The following NBAS variants were observed in gnomAD, a reference collection of about 807,000 sequenced individuals.
NBAS encodes the protein NBAS subunit of NRZ tethering complex.
In NBAS, 219 loss-of-function variants were observed where a neutral mutation model predicts 302.5. The ratio of observed to expected loss-of-function variants is 0.72; its 90% CI spans 0.65 to 0.81. NBAS has a LOEUF of 0.81. Among genes scored for constraint, NBAS ranks in the 30% least tolerant of loss-of-function variants. The pLI, the probability that NBAS is intolerant of heterozygous loss-of-function variation, is 0.00. For synonymous variants in NBAS, 1,118 were observed against 1,021.6 expected (o/e 1.09, Z -1.80); for missense variants, 2,932 against 2,841.6 (o/e 1.03, Z -0.72).
chr2:15,434,030 G>A (rs1321556390), intron 21 of NBAS, among the ~76,000 whole-genome samples: 1 of 152,136 alleles, frequency 6.6e-6, no homozygotes, highest in Non-Finnish European at 1.5e-5. Context: ...AGGAGGCTGA[G>A]GTGGGAGGGT....
the NBAS span, among the ~76,000 whole-genome samples, chr2:14,967,485 A>C: frequency 6.6e-6 from 1 of 152,238 alleles, no homozygotes. Flanking sequence ...GAAAAGGAAT[A>C]TACATAGTTA....
the NBAS span, among the ~76,000 whole-genome samples, chr2:14,902,652 A>G: frequency 2.6e-5 from 4 of 152,304 alleles, no homozygotes; most frequent in African/African-American, 4.8e-5. Flanking sequence ...AATGAGACCT[A>G]TTCCCTGATC....
chr2:15,439,963 C>A (rs962335874), intron 21 of NBAS, among the ~76,000 whole-genome samples: 1 of 152,246 alleles, frequency 6.6e-6, no homozygotes, highest in Non-Finnish European at 1.5e-5. Context: ...GAGGGGCAAC[C>A]GCCATTGCCC....
At chr2:15,504,246 T>C in intron 10 of NBAS, 33 bp from the exon 11 acceptor site, 1 of 1,457,462 alleles carries the variant, frequency 6.9e-7, no homozygotes, top group Non-Finnish European at 9.6e-7. Flanking sequence ...GAAGAAAGAT[T>C]ACTGAAATGA....
At chr2:14,925,906 T>C in the NBAS span, among the ~76,000 whole-genome samples, 1 of 152,346 alleles carries the variant, frequency 6.6e-6, no homozygotes, top group South Asian at 2.1e-4. Context: ...TTTTGGATCA[T>C]TTTTGTTTCT....
chr2:15,191,389 T>G (rs1449905563), intron 48 of NBAS, among the ~76,000 whole-genome samples: 1 of 152,244 alleles, frequency 6.6e-6, no homozygotes, highest in Non-Finnish European at 1.5e-5. Flanking sequence ...CAAAAGTTGC[T>G]ATGTACTATG....
intron 19 of NBAS, among the ~76,000 whole-genome samples, chr2:15,463,648 C>T (rs570027262): frequency 6.6e-6 from 1 of 152,164 alleles, no homozygotes; most frequent in South Asian, 2.1e-4. Flanking sequence ...AAATCATACC[C>T]TAACCAGTCA....
chr2:15,149,033 G>A, the NBAS span, among the ~76,000 whole-genome samples: 5 of 152,188 alleles, frequency 3.3e-5, no homozygotes, highest in African/African-American at 1.2e-4. Flanking sequence ...CCAGTTAAAT[G>A]GTTAAATGAA....
intron 38 of NBAS, among the ~76,000 whole-genome samples, chr2:15,325,000 T>G (rs550066229): frequency 6.6e-6 from 1 of 152,292 alleles, no homozygotes; most frequent in East Asian, 1.9e-4. Context: ...ATACTCAACA[T>G]TTCTCCAAAA....
the NBAS span, among the ~76,000 whole-genome samples, chr2:14,843,109 A>G: frequency 3.3e-5 from 5 of 152,176 alleles, no homozygotes; most frequent in Non-Finnish European, 7.4e-5. Flanking sequence ...ATTTAATAAA[A>G]TTCAACATCC....
At chr2:15,054,970 G>C in the NBAS span, among the ~76,000 whole-genome samples, 1 of 152,130 alleles carries the variant, frequency 6.6e-6, no homozygotes, top group Admixed American at 6.5e-5. Context: ...ATGTTAAAAG[G>C]CATTTTAAAG....
chr2:14,883,453 T>C, the NBAS span, among the ~76,000 whole-genome samples: 7 of 152,274 alleles, frequency 4.6e-5, no homozygotes, highest in East Asian at 5.8e-4. Flanking sequence ...TTTCTCAAGA[T>C]AGATACTTAG....
chr2:14,882,894 T>A, the NBAS span, among the ~76,000 whole-genome samples: 2 of 152,176 alleles, frequency 1.3e-5, no homozygotes, highest in Non-Finnish European at 2.9e-5. Flanking sequence ...GAGACTCATA[T>A]CAGTGTTGTC....
At chr2:14,815,730 C>T in the NBAS span, among the ~76,000 whole-genome samples, 1 of 152,272 alleles carries the variant, frequency 6.6e-6, no homozygotes, top group East Asian at 1.9e-4. Flanking sequence ...TTCTACAGGA[C>T]ATATTAATCT....
chr2:15,337,793 T>A (rs1487201057), intron 35 of NBAS, among the ~76,000 whole-genome samples: 1 of 152,186 alleles, frequency 6.6e-6, no homozygotes, highest in African/African-American at 2.4e-5. Flanking sequence ...CCAGAAACAT[T>A]AATGAAGAAA....
the NBAS span, among the ~76,000 whole-genome samples, chr2:15,110,481 G>T: frequency 2.6e-5 from 4 of 152,146 alleles, 1 homozygote; most frequent in South Asian, 8.3e-4. Context: ...AAGATGGACA[G>T]CAAGAACAAA....
the NBAS span, among the ~76,000 whole-genome samples, chr2:14,904,016 T>A: frequency 6.6e-6 from 1 of 152,204 alleles, no homozygotes; most frequent in Non-Finnish European, 1.5e-5. Flanking sequence ...GGCGAGGCGC[T>A]CCCTTCTGGA....
chr2:15,068,768 A>T, the NBAS span, among the ~76,000 whole-genome samples: 4 of 152,214 alleles, frequency 2.6e-5, no homozygotes, highest in African/African-American at 9.6e-5. Flanking sequence ...GGCTTCTAAA[A>T]ATTCTAAACA....
At chr2:14,996,397 C>T in the NBAS span, among the ~76,000 whole-genome samples, 1 of 152,072 alleles carries the variant, frequency 6.6e-6, no homozygotes, top group African/African-American at 2.4e-5. Context: ...AGGCACAGAG[C>T]GAATGAGTGG....
Sources: allele counts gnomAD v4.1 joint callset (sites outside exome capture counted in the v4.1 genomes callset), GRCh38; gene constraint gnomAD v4.1.1; transcripts MANE v1.5; gene names NCBI Gene and HGNC (gene_info 2026-07-23, HGNC 2026-07-21).